NEK11: variants seen among roughly 807,000 people sequenced by gnomAD.
NEK11 encodes NIMA related kinase 11.
Under a neutral mutation model 80.7 loss-of-function variants are expected in NEK11, and 72 were observed. The observed-to-expected ratio is 0.89, with a 90% CI of 0.74 to 1.08. NEK11 has a LOEUF of 1.08. NEK11 is among the 50% of genes least tolerant of loss of function. The pLI is 0.00. For synonymous variants in NEK11, 251 were observed against 260.7 expected (o/e 0.96, Z 0.36); for missense variants, 764 against 763.6 (o/e 1.00, Z -0.01).
intron 4 of NEK11, among the ~76,000 whole-genome samples, chr3:131,088,458 A>T (rs945388093): frequency 3.9e-5 from 6 of 152,240 alleles, no homozygotes; most frequent in African/African-American, 1.4e-4. Context: ...TAATGCACTA[A>T]TAGAAAGCAA....
intron 5 of NEK11, among the ~76,000 whole-genome samples, chr3:131,120,069 A>T (rs1334756018): frequency 1.3e-5 from 2 of 152,188 alleles, no homozygotes. Flanking sequence ...GTTTCTTCCT[A>T]GCATCGATGG....
chr3:131,073,294 A>G (rs544625366), intron 3 of NEK11, among the ~76,000 whole-genome samples: 2 of 152,212 alleles, frequency 1.3e-5, no homozygotes, highest in South Asian at 4.1e-4. Flanking sequence ...ACCTACTCCT[A>G]GAATTTTTGT....
chr3:131,299,480 A>T (rs2096637030), intron 17 of NEK11, among the ~76,000 whole-genome samples: 1 of 152,160 alleles, frequency 6.6e-6, no homozygotes, highest in East Asian at 1.9e-4. Flanking sequence ...GGCATCAGCC[A>T]CCATGCCTGG....
intron 5 of NEK11, among the ~76,000 whole-genome samples, chr3:131,117,507 T>C (rs911244883): frequency 2.0e-5 from 3 of 152,228 alleles, no homozygotes; most frequent in African/African-American, 7.2e-5. Context: ...CCCAATTCTG[T>C]GAAGAAAGTC....
intron 14 of NEK11, among the ~76,000 whole-genome samples, chr3:131,224,841 T>C (rs1318181345): frequency 6.6e-6 from 1 of 152,166 alleles, no homozygotes; most frequent in East Asian, 1.9e-4. Flanking sequence ...GACTATCTCC[T>C]AGTTAGGAGA....
intron 4 of NEK11, among the ~76,000 whole-genome samples, chr3:131,098,905 A>G (rs1456471550): frequency 1.3e-5 from 2 of 151,986 alleles, no homozygotes; most frequent in African/African-American, 4.8e-5. Context: ...TCATTAGTCA[A>G]TATTTTATTC....
chr3:131,265,407 G>A (rs561039281), intron 16 of NEK11, among the ~76,000 whole-genome samples: 79 of 152,238 alleles, frequency 5.2e-4, no homozygotes, highest in African/African-American at 1.7e-3. Flanking sequence ...TTAGTTTATC[G>A]AGAGTTTTTA....
intron 3 of NEK11, among the ~76,000 whole-genome samples, chr3:131,063,375 T>C (rs957718774): frequency 4.6e-5 from 7 of 152,160 alleles, no homozygotes; most frequent in Admixed American, 3.3e-4. Flanking sequence ...CTGTGGTTAA[T>C]TAAGATAATT....
chr3:131,340,979 C>A (rs1302093783), intron 17 of NEK11, among the ~76,000 whole-genome samples: 1 of 152,118 alleles, frequency 6.6e-6, no homozygotes, highest in Non-Finnish European at 1.5e-5. Context: ...ACCCAGCTAA[C>A]TAAAGGAATA....
chr3:131,322,426 G>A (rs2109768755), intron 17 of NEK11, among the ~76,000 whole-genome samples: 1 of 152,268 alleles, frequency 6.6e-6, no homozygotes. Context: ...ACCTGCACAT[G>A]TATGCATGCC....
chr3:131,347,778 A>G (rs1320563368), intron 17 of NEK11, among the ~76,000 whole-genome samples: 1 of 152,094 alleles, frequency 6.6e-6, no homozygotes, highest in Non-Finnish European at 1.5e-5. Context: ...ATCTCTACCA[A>G]TATTACAAAA....
chr3:131,047,139 T>C (rs2067523220), intron 3 of NEK11, among the ~76,000 whole-genome samples: 1 of 152,236 alleles, frequency 6.6e-6, no homozygotes, highest in Non-Finnish European at 1.5e-5. Flanking sequence ...GAAGTATCAC[T>C]TTATTATGTA....
chr3:131,226,896 G>T lies in NEK11; in HGVS notation c.1400-1632G>T, dbSNP rs1352785765. ...TATGTGTACATACAGACACGTGCAG[G>T]TGTCTTCTTGATATAATGACTAGAA... On this transcript the variant is annotated intron_variant, in intron 14 of 17. Transcript: ENST00000383366. Among the ~76,000 whole-genome samples the T allele has an allele frequency of 2.0e-4, 31 of 151,776 alleles. 1 individual carries two copies. Among genetic ancestry groups the T allele is most frequent in the Admixed American group, 2.0e-3 (31 of 15,220 alleles).
intron 4 of NEK11, among the ~76,000 whole-genome samples, chr3:131,106,174 T>C (rs555936438): frequency 1.2e-4 from 18 of 152,128 alleles, no homozygotes; most frequent in African/African-American, 4.3e-4. Context: ...TTTTTTATAA[T>C]ACATTTTTTT....
chr3:131,348,156 C>G (rs1023483464), intron 17 of NEK11, among the ~76,000 whole-genome samples: 2 of 152,036 alleles, frequency 1.3e-5, no homozygotes, highest in African/African-American at 4.8e-5. Flanking sequence ...AGTGAACACA[C>G]ACATAATAGC....
At chr3:131,163,488 C>T (rs1191975764) in intron 11 of NEK11, among the ~76,000 whole-genome samples, 8 of 151,056 alleles carry the variant, frequency 5.3e-5, no homozygotes, top group Admixed American at 5.3e-4. Context: ...ATAAGCCAGG[C>T]ATAGAAAGAC....
At chr3:131,152,999 A>T (rs2089980621) in intron 9 of NEK11, among the ~76,000 whole-genome samples, 2 of 152,142 alleles carry the variant, frequency 1.3e-5, no homozygotes, top group Admixed American at 6.5e-5. Flanking sequence ...AGGCAGGAGG[A>T]TCACTCGAAC....
chr3:131,284,106 G>T lies in NEK11; in HGVS notation c.1718+10532G>T, dbSNP rs375430107. Among the ~76,000 whole-genome samples, 91 of 152,348 alleles carry T rather than the reference G, an allele frequency of 6.0e-4. 3 individuals carry two copies. In the South Asian group the frequency reaches 0.018, roughly 30 times the overall value. ...TGAGGGCAAATGCCAGGAGCCACTG[G>T]AGTGGAGCCAGCACTCTGGAAGTTC... On this transcript the variant is annotated intron_variant, in intron 17 of 17. Coordinates refer to ENST00000383366, the MANE Select transcript of NEK11 (RefSeq NM_024800.5).
At chr3:131,245,305 G>GTGTGTGTGTGTGTT (rs1561173868) in intron 16 of NEK11, among the ~76,000 whole-genome samples, 2 of 147,898 alleles carry the variant, frequency 1.4e-5, no homozygotes, top group African/African-American at 5.2e-5. Context: ...ATTCCATTGT[G>GTGTGTGTGTGTGTT]TGTGTGTGTG....
Sources: allele counts gnomAD v4.1 joint callset (sites outside exome capture counted in the v4.1 genomes callset), GRCh38; gene constraint gnomAD v4.1.1; transcripts MANE v1.5; gene names NCBI Gene and HGNC (gene_info 2026-07-23, HGNC 2026-07-21).